Variants in PCDHGA7 observed in about 807,000 individuals in gnomAD.
PCDHGA7 encodes the protein protocadherin gamma subfamily A, 7.
A neutral mutation model predicts 58.3 loss-of-function variants in PCDHGA7; 44 were observed. The ratio of observed to expected loss-of-function variants is 0.75; its 90% CI spans 0.59 to 0.97. PCDHGA7 has a LOEUF of 0.97. Ranked by LOEUF, PCDHGA7 falls within the 50% of genes least tolerant of loss-of-function variation. PCDHGA7 has a pLI of 0.00. For missense variants in PCDHGA7, 1,266 were observed against 1,188.7 expected, an observed-to-expected ratio of 1.06 and a Z score of -0.96; for synonymous variants, 516 against 504.2, an observed-to-expected ratio of 1.02 and a Z score of -0.31.
At chr5:141,408,962 A>G (rs1561716536) in intron 1 of PCDHGA7, 3 of 1,613,638 alleles carry the variant, frequency 1.9e-6, no homozygotes, top group Admixed American at 3.3e-5. Flanking sequence ...TCTTAGTGAA[A>G]ATCTGCCCCC....
Position 141,491,067 on chromosome 5 carries a change from G to A in PCDHGA7, c.2425-3740G>A, listed in dbSNP as rs752758445. On this transcript the variant is annotated intron_variant, in intron 1 of 3. Coordinates refer to ENST00000518325, the MANE Select transcript of PCDHGA7 (RefSeq NM_018920.4). This position sits in a 1 kb window ranked among gnomAD's most constrained non-coding sequence, Gnocchi z 6.9. ...ACAATGCGTGGCTCTCCTACTCACT[G>A]TTGCCACAGTCCACAGCCCCAGGAC... is the stretch of plus-strand genomic sequence containing the variant. 6.2e-7 allele frequency: 1 copy of A among 1,614,200 alleles called. No individual in the cohort carries two copies. Among genetic ancestry groups the A allele is most frequent in the East Asian group, 2.2e-5 (1 of 44,892 alleles).
chr5:141,410,841 G>GT, intron 1 of PCDHGA7: 1 of 214,604 alleles, frequency 4.7e-6, no homozygotes, highest in Non-Finnish European at 7.8e-6. Context: ...AAGATATTTT[G>GT]TCTTTGTCTT....
chr5:141,432,569 C>T lies in PCDHGA7; in HGVS notation c.2424+47246C>T. The T allele has an allele frequency of 6.2e-7, 1 of 1,613,920 alleles. No homozygotes were observed. On this transcript the variant is annotated intron_variant, in intron 1 of 3. Coordinates refer to ENST00000518325, the MANE Select transcript of PCDHGA7 (RefSeq NM_018920.4). This position sits in a 1 kb window ranked among gnomAD's most constrained non-coding sequence, Gnocchi z 6.0. ...CAGAGACTCCGGCCAGAACGCCTGG[C>T]TGTCCTACCGTCTGCTCAAGGCCAG...
rs572411306 is a variant in PCDHGA7 at position 141,383,187 on chromosome 5, C to T, written c.288C>T (p.Cys96=). 6.2e-7 allele frequency: 1 copy of T among 1,614,076 alleles called. No individual in the cohort carries two copies. Among genetic ancestry groups the T allele is most frequent in the Non-Finnish European group, 8.5e-7 (1 of 1,179,948 alleles). The stretch of plus-strand genomic sequence containing the variant: ...GCAGGATAGACCGGGAAGAGATCTG[C>T]GCTCAGAGTGCGCGGTGTCTGGTAA... ...TAGRIDREEI[C]AQSARCLVNF... is the part of the protein sequence containing the mutation. Residue 96 remains cysteine (C), a synonymous_variant, in exon 1 of 4, where the codon TGC becomes TGT. Transcript: ENST00000518325.
Position 141,418,036 on chromosome 5 carries a change from G to C in PCDHGA7, c.2424+32713G>C, listed in dbSNP as rs933500300. ...CTAAGGATCTAGGGCTTAGTGTCCT[G>C]GATGTGTCGGCTCGCGAGCTGCGAG... On this transcript the variant is annotated intron_variant, in intron 1 of 3. Coordinates refer to ENST00000518325, the MANE Select transcript of PCDHGA7 (RefSeq NM_018920.4). 3.7e-6 allele frequency: 6 copies of C among 1,613,902 alleles called. No individual in the cohort carries two copies. The African/African-American group carries it at 8.0e-5, about 22-fold the overall frequency.
At chr5:141,437,150 A>T (rs572721302) in intron 1 of PCDHGA7, among the ~76,000 whole-genome samples, 1 of 152,328 alleles carries the variant, frequency 6.6e-6, no homozygotes, top group East Asian at 1.9e-4. Flanking sequence ...CATAATTAAC[A>T]TATGTGTTGA....
rs1488446232 is a variant in PCDHGA7, at chr5:141,493,171, A to G, written c.2425-1636A>G. On this transcript the variant is annotated intron_variant, in intron 1 of 3. Coordinates refer to ENST00000518325, the MANE Select transcript of PCDHGA7 (RefSeq NM_018920.4). This position sits in a 1 kb window ranked among gnomAD's most constrained non-coding sequence, Gnocchi z 4.3. ...GGTGATTTTGATAGCTGATTGAGAG[A>G]AACTTACTATATAACTCCTTTGAGA... is the stretch of plus-strand genomic sequence containing the variant. 6.6e-6 allele frequency among the ~76,000 whole-genome samples: 1 copy of G among 152,214 alleles called. No homozygotes were observed. The highest frequency in any genetic ancestry group is 1.5e-5 in the Non-Finnish European group (1 of 68,034).
chr5:141,420,956 T>C lies in PCDHGA7; in HGVS notation c.2424+35633T>C, dbSNP rs17097281. 2.2e-3 allele frequency: 904 copies of C among 416,864 alleles called. 5 individuals carry two copies. The highest frequency in any genetic ancestry group is 0.016 in the African/African-American group (760 of 48,560). 25.8% of individuals were successfully genotyped at this position (416,864 alleles called of 1,614,324 possible). A position where few individuals can be genotyped will look rare whatever the true frequency, so the allele number is the denominator to read the frequency against. Reference sequence around the variant, plus strand: ...AATCATTTCTTCTGGAATTTCTTAGTCGTTGCAATAATAAGAATGGGCTCT... The same window carrying C: ...AATCATTTCTTCTGGAATTTCTTAGCCGTTGCAATAATAAGAATGGGCTCT... On this transcript the variant is annotated intron_variant, in intron 1 of 3. Coordinates refer to ENST00000518325, the MANE Select transcript of PCDHGA7 (RefSeq NM_018920.4).
rs1480686339 is a variant in PCDHGA7, at chr5:141,415,643, A to G, written c.2424+30320A>G. ...TTTATTTTCATTTTTACTTTTGTTA[A>G]AAAAAAAAAGATTGGTTTTTACTTT... is the stretch of plus-strand genomic sequence containing the variant. On this transcript the variant is annotated intron_variant, in intron 1 of 3. Transcript: ENST00000518325. The G allele has an allele frequency of 5.1e-6, 8 of 1,571,752 alleles. No individual in the cohort carries two copies. In the South Asian group the frequency reaches 9.1e-5, roughly 18 times the overall value.
intron 1 of PCDHGA7, chr5:141,427,962 G>T: frequency 2.5e-6 from 4 of 1,590,100 alleles, no homozygotes; most frequent in Non-Finnish European, 3.4e-6. Flanking sequence ...TGTGCCGCGG[G>T]TGCTGTACCC....
chr5:141,389,676 C>T, intron 1 of PCDHGA7: 1 of 1,612,444 alleles, frequency 6.2e-7, no homozygotes, highest in Non-Finnish European at 8.5e-7. Context: ...AGACTCAGGA[C>T]ACAACGCCTG....
At chr5:141,409,964 G>A (rs1042730924) in intron 1 of PCDHGA7, 5 of 1,613,300 alleles carry the variant, frequency 3.1e-6, no homozygotes, top group East Asian at 2.2e-5. Flanking sequence ...CGGCTACCTA[G>A]TGACTAAGGT....
At chr5:141,406,531 C>T (rs1303471087) in intron 1 of PCDHGA7, among the ~76,000 whole-genome samples, 1 of 152,102 alleles carries the variant, frequency 6.6e-6, no homozygotes, top group African/African-American at 2.4e-5. Flanking sequence ...TATTTTCTGA[C>T]GAAGATTCAA....
chr5:141,388,861 T>C lies in PCDHGA7; in HGVS notation c.2424+3538T>C, dbSNP rs1487226750. 7 of 1,613,872 alleles carry C rather than the reference T, an allele frequency of 4.3e-6. No homozygotes were observed. The East Asian group carries it at 1.1e-4, about 26-fold the overall frequency. On this transcript the variant is annotated intron_variant, in intron 1 of 3. Transcript: ENST00000518325. ...GAAGCAAGGGACGGTGGAGGAATGATTGCGCAATGCACAGTGGAGGTAGAA... is the reference window on the plus strand; with the variant it reads ...GAAGCAAGGGACGGTGGAGGAATGACTGCGCAATGCACAGTGGAGGTAGAA...
intron 1 of PCDHGA7, among the ~76,000 whole-genome samples, chr5:141,469,967 C>G (rs2099217411): frequency 6.6e-6 from 1 of 152,124 alleles, no homozygotes; most frequent in Admixed American, 6.6e-5. Flanking sequence ...CCCATCTGTA[C>G]CAAAAATACA....
chr5:141,491,705 G>A lies in PCDHGA7; in HGVS notation c.2425-3102G>A. ...ACGCTGCGGGAGCGGAGCCAGGTGA[G>A]GGGCTCGGCGCCGCCCCGGGCGACC... is the stretch of plus-strand genomic sequence containing the variant. On this transcript the variant is annotated intron_variant, in intron 1 of 3. Transcript: ENST00000518325. The surrounding 1 kb of genome is among the most constrained non-coding windows in gnomAD (Gnocchi z 6.9). 1 of 1,611,064 alleles carries A rather than the reference G, an allele frequency of 6.2e-7. No homozygotes were observed. Among genetic ancestry groups the A allele is most frequent in the South Asian group, 1.1e-5 (1 of 90,828 alleles).
chr5:141,424,956 T>C (rs1435882776), intron 1 of PCDHGA7, among the ~76,000 whole-genome samples: 3 of 152,176 alleles, frequency 2.0e-5, no homozygotes, highest in African/African-American at 7.2e-5. Context: ...TTCTAGGTAT[T>C]TGCCCCAAAT....
chr5:141,443,656 A>T (rs139300845), intron 1 of PCDHGA7, among the ~76,000 whole-genome samples: 1 of 152,256 alleles, frequency 6.6e-6, no homozygotes, highest in African/African-American at 2.4e-5. Flanking sequence ...TTAGCATAGC[A>T]TTTTACTGAA....
Position 141,432,325 on chromosome 5 carries a change from C to CGAGCA in PCDHGA7, c.2424+47004_2424+47008dup, listed in dbSNP as rs768604869. On this transcript the variant is annotated intron_variant, in intron 1 of 3. Coordinates refer to ENST00000518325, the MANE Select transcript of PCDHGA7 (RefSeq NM_018920.4). This position sits in a 1 kb window ranked among gnomAD's most constrained non-coding sequence, Gnocchi z 6.0. Reference sequence around the variant, plus strand: ...TGTATGCGCTGAGCTCCTTCGACTACGAGCAGTTCCGAGACTTGCAAGTGA... The same window carrying CGAGCA: ...TGTATGCGCTGAGCTCCTTCGACTACGAGCAGAGCAGTTCCGAGACTTGCAAGTGA... 20 of 1,614,142 alleles carry CGAGCA rather than the reference C, an allele frequency of 1.2e-5. No individual in the cohort carries two copies. Among genetic ancestry groups the CGAGCA allele is most frequent in the Non-Finnish European group, 1.7e-5 (20 of 1,180,050 alleles).
Sources: allele counts gnomAD v4.1 joint callset (sites outside exome capture counted in the v4.1 genomes callset), GRCh38; gene constraint gnomAD v4.1.1; non-coding constraint Gnocchi (gnomAD v3.1); transcripts MANE v1.5; gene names NCBI Gene and HGNC (gene_info 2026-07-23, HGNC 2026-07-21).